NREP: variants seen among roughly 807,000 people sequenced by gnomAD.
The protein encoded by NREP is neuronal regeneration-related protein.
In NREP, 5 loss-of-function variants were observed where a neutral mutation model predicts 8.6. The observed-to-expected ratio is 0.58, with a 90% CI of 0.30 to 1.22. NREP has a LOEUF of 1.22. Among genes scored for constraint, NREP ranks in the 50% most tolerant of loss-of-function variants. The probability of loss-of-function intolerance (pLI) is 0.07; values close to 1 mark genes in which losing one functional copy is unlikely to be tolerated. For synonymous variants in NREP, 27 were observed against 28.0 expected, an observed-to-expected ratio of 0.96 and a Z score of 0.11; for missense variants, 86 against 82.5, an observed-to-expected ratio of 1.04 and a Z score of -0.17.
intron 3 of NREP, 79 bp downstream of exon 3, chr5:111,735,351 A>G: frequency 1.0e-6 from 1 of 985,976 alleles, no homozygotes; most frequent in East Asian, 2.4e-5. Flanking sequence ...GGGTATTCAA[A>G]TGAAAAAGCT....
chr5:111,776,509 C>T (rs76192389), intron 2 of NREP, among the ~76,000 whole-genome samples: 1,680 of 152,212 alleles, frequency 0.011, 18 homozygotes, highest in Non-Finnish European at 0.018. Flanking sequence ...AAAAGACATG[C>T]GCAAGTCTGT....
chr5:111,946,664 G>C (rs1312123297), intron 2 of NREP, among the ~76,000 whole-genome samples: 2 of 151,938 alleles, frequency 1.3e-5, no homozygotes, highest in Non-Finnish European at 2.9e-5. Flanking sequence ...TTAAGAGGCT[G>C]ACACCCGTGT....
At chr5:111,953,466 T>G (rs537483358) in intron 2 of NREP, among the ~76,000 whole-genome samples, 1 of 152,274 alleles carries the variant, frequency 6.6e-6, no homozygotes, top group South Asian at 2.1e-4. Context: ...CTTTTTTCTA[T>G]GAGATTAGTC....
chr5:111,944,466 C>A (rs1375640350), intron 2 of NREP, among the ~76,000 whole-genome samples: 1 of 152,048 alleles, frequency 6.6e-6, no homozygotes, highest in African/African-American at 2.4e-5. Context: ...TACCACCATG[C>A]CTGAATAATT....
chr5:111,872,612 T>C (rs1385307969), intron 2 of NREP, among the ~76,000 whole-genome samples: 2 of 152,152 alleles, frequency 1.3e-5, no homozygotes, highest in African/African-American at 4.8e-5. Context: ...TTGTCTGGAA[T>C]ATGGTCCTAT....
intron 2 of NREP, among the ~76,000 whole-genome samples, chr5:111,873,729 T>G (rs1371809972): frequency 2.0e-5 from 3 of 152,210 alleles, no homozygotes; most frequent in Non-Finnish European, 4.4e-5. Flanking sequence ...ATGTCAAGAT[T>G]CTTAACCTTA....
At chr5:111,820,274 C>T (rs1752487646) in intron 2 of NREP, among the ~76,000 whole-genome samples, 1 of 152,194 alleles carries the variant, frequency 6.6e-6, no homozygotes, top group Admixed American at 6.5e-5. Context: ...GGCAGAGCGC[C>T]ACCTTGCTTA....
intron 2 of NREP, among the ~76,000 whole-genome samples, chr5:111,919,552 G>A (rs1190418177): frequency 6.6e-6 from 1 of 152,016 alleles, no homozygotes. Context: ...CATAAAAAAG[G>A]ATGAGTTCAT....
intron 2 of NREP, among the ~76,000 whole-genome samples, chr5:111,829,737 T>G (rs750318378): frequency 6.6e-6 from 1 of 152,186 alleles, no homozygotes; most frequent in Non-Finnish European, 1.5e-5. Context: ...AATAGCCCAC[T>G]CACCCTGCTA....
chr5:111,911,561 G>A (rs1467649584), intron 2 of NREP, among the ~76,000 whole-genome samples: 1 of 152,006 alleles, frequency 6.6e-6, no homozygotes. Flanking sequence ...CTGGAGATAT[G>A]TTATATGCTT....
chr5:111,914,857 T>A (rs1308640833), intron 2 of NREP, among the ~76,000 whole-genome samples: 3 of 152,156 alleles, frequency 2.0e-5, no homozygotes, highest in Non-Finnish European at 4.4e-5. Context: ...CAATTTTATC[T>A]GATATGAACT....
At chr5:111,778,659 A>G (rs777631214) in intron 2 of NREP, among the ~76,000 whole-genome samples, 2 of 152,116 alleles carry the variant, frequency 1.3e-5, no homozygotes, top group Non-Finnish European at 2.9e-5. Flanking sequence ...CATATTTTTC[A>G]GTATTGCTTT....
intron 2 of NREP, among the ~76,000 whole-genome samples, chr5:111,799,152 G>A (rs1194329089): frequency 6.6e-6 from 1 of 152,128 alleles, no homozygotes; most frequent in Non-Finnish European, 1.5e-5. Flanking sequence ...CCAGTACCAT[G>A]CTGTTTTCAT....
intron 3 of NREP, among the ~76,000 whole-genome samples, chr5:111,731,415 G>C (rs1748554462): frequency 8.7e-6 from 1 of 114,800 alleles, no homozygotes; most frequent in Non-Finnish European, 1.7e-5. Flanking sequence ...TCACAGGAGT[G>C]TCAGTTGATA....
intron 2 of NREP, among the ~76,000 whole-genome samples, chr5:111,968,139 T>G (rs544944091): frequency 2.4e-4 from 37 of 152,130 alleles, no homozygotes; most frequent in South Asian, 1.2e-3. Flanking sequence ...AAGGTCTAAT[T>G]AGTATAGTTT....
intron 2 of NREP, among the ~76,000 whole-genome samples, chr5:111,797,469 T>A (rs890828186): frequency 3.9e-5 from 6 of 152,202 alleles, no homozygotes; most frequent in Non-Finnish European, 1.5e-5. Context: ...CTTACAAGTA[T>A]CATGTTCTGC....
At chr5:111,967,865 G>A (rs1017894752) in intron 2 of NREP, among the ~76,000 whole-genome samples, 1 of 151,354 alleles carries the variant, frequency 6.6e-6, no homozygotes, top group South Asian at 2.1e-4. Context: ...GTTGTTTTTT[G>A]CTGTTTGGTA....
At position 111,849,936 on chromosome 5, in the gene NREP, A is replaced by G. The variant is rs73789552; in HGVS notation, c.136-114429T>C. ...TGAGATGGAAGCCCAGTGCCAAGGA[A>G]GCAGAGCAATAAGGCTGAAGGGGCC... is the stretch of plus-strand genomic sequence containing the variant. On this transcript the variant is annotated intron_variant, in intron 2 of 3. Transcript: ENST00000395634. 8.9e-3 allele frequency among the ~76,000 whole-genome samples: 1,357 copies of G among 152,270 alleles called. 8 individuals are homozygous for G. Among genetic ancestry groups the G allele is most frequent in the Middle Eastern group, 0.027 (8 of 294 alleles).
chr5:111,870,656 T>C (rs142534131), intron 2 of NREP, among the ~76,000 whole-genome samples: 19 of 152,212 alleles, frequency 1.2e-4, no homozygotes, highest in African/African-American at 4.6e-4. Flanking sequence ...TTGGACCTTA[T>C]TTGGAAGGGA....
Sources: gnomAD v4.1 joint callset for allele counts (sites outside exome capture counted in the v4.1 genomes callset) on GRCh38, gnomAD v4.1.1 for gene constraint, MANE v1.5 for transcripts, NCBI Gene and HGNC (gene_info 2026-07-23, HGNC 2026-07-21) for gene names.